The following TAB2 variants were observed in gnomAD, a reference collection of about 807,000 sequenced individuals.
The protein encoded by TAB2 is TGF-beta-activated kinase 1 and MAP3K7-binding protein 2.
A neutral mutation model predicts 65.0 loss-of-function variants in TAB2; 3 were observed. The ratio of observed to expected loss-of-function variants is 0.05; its 90% CI spans 0.02 to 0.12. TAB2 has a LOEUF of 0.12. TAB2 is among the 10% of genes least tolerant of loss of function. TAB2 has a pLI of 1.00. For synonymous variants in TAB2, 298 were observed against 285.1 expected (o/e 1.05, Z -0.46); for missense variants, 623 against 840.3 (o/e 0.74, Z 3.20).
At chr6:149,362,872 C>T (rs1379800612) in intron 1 of TAB2, among the ~76,000 whole-genome samples, 1 of 152,088 alleles carries the variant, frequency 6.6e-6, no homozygotes, top group Non-Finnish European at 1.5e-5. Context: ...AACTTAAGTA[C>T]AATAGTAATG....
Position 149,397,597 on chromosome 6 carries a change from G to T in TAB2, c.1604-7G>T. 2 of 1,613,950 alleles carry T rather than the reference G, an allele frequency of 1.2e-6. No individual in the cohort carries two copies. The highest frequency in any genetic ancestry group is 2.2e-5 in the South Asian group (2 of 91,046). Reference sequence around the variant, plus strand: ...TGGGTCCTCATGTTTACTAATGTGTGTTGCAGCTCTTTTGGTACACCAGAA... The same window carrying T: ...TGGGTCCTCATGTTTACTAATGTGTTTTGCAGCTCTTTTGGTACACCAGAA... On this transcript the variant is annotated splice_polypyrimidine_tract_variant and splice_region_variant and intron_variant, in intron 3 of 6. Transcript: ENST00000637181.
At chr6:149,329,244 G>A (rs1171020275) in intron 1 of TAB2, among the ~76,000 whole-genome samples, 1 of 152,326 alleles carries the variant, frequency 6.6e-6, no homozygotes, top group East Asian at 1.9e-4. Flanking sequence ...GGAGGAAGAG[G>A]CAGGCATATA....
At chr6:149,345,899 T>G (rs143502467) in intron 1 of TAB2, among the ~76,000 whole-genome samples, 1 of 152,268 alleles carries the variant, frequency 6.6e-6, no homozygotes, top group East Asian at 1.9e-4. Context: ...ATATAATTAT[T>G]TGGACATCAT....
chr6:149,318,956 C>T lies in TAB2; in HGVS notation c.-90+941C>T, dbSNP rs118170796. The stretch of plus-strand genomic sequence containing the variant: ...AATTTGCAGCCTCACAGGGGTTTCT[C>T]CGTAGTTCACGAAATTTAGGCCCCC... On this transcript the variant is annotated intron_variant, in intron 1 of 6. Coordinates refer to ENST00000637181, the MANE Select transcript of TAB2 (RefSeq NM_001292034.3). Among the ~76,000 whole-genome samples the T allele has an allele frequency of 3.7e-3, 570 of 152,262 alleles. 1 individual carries two copies. Among genetic ancestry groups the T allele is most frequent in the Non-Finnish European group, 4.6e-3 (310 of 68,028 alleles).
At chr6:149,258,919 T>A (rs6919631) in intron 1 of TAB2, among the ~76,000 whole-genome samples, 2 of 152,096 alleles carry the variant, frequency 1.3e-5, no homozygotes, top group African/African-American at 4.8e-5. Flanking sequence ...GTCAGAGTTA[T>A]GGGATGTGAA....
At chr6:149,263,801 G>A (rs114814599) in intron 1 of TAB2, among the ~76,000 whole-genome samples, 41 of 152,340 alleles carry the variant, frequency 2.7e-4, no homozygotes, top group African/African-American at 9.4e-4. Flanking sequence ...TTGGCGCCCA[G>A]GAGGTCTCCC....
chr6:149,254,493 A>G (rs1298421751), intron 1 of TAB2, among the ~76,000 whole-genome samples: 1 of 152,142 alleles, frequency 6.6e-6, no homozygotes, highest in African/African-American at 2.4e-5. Context: ...CATTATTCCA[A>G]CTTTAACAGG....
intron 1 of TAB2, among the ~76,000 whole-genome samples, chr6:149,287,492 T>TAAA (rs765114694): frequency 1.0e-5 from 1 of 97,912 alleles, no homozygotes; most frequent in Non-Finnish European, 2.2e-5. Context: ...GTTTTTTTTT[T>TAAA]TAAAAAGAAA....
intron 1 of TAB2, among the ~76,000 whole-genome samples, chr6:149,330,959 C>G (rs999545994): frequency 6.6e-6 from 1 of 152,170 alleles, no homozygotes; most frequent in Non-Finnish European, 1.5e-5. Flanking sequence ...TCTGGATTCT[C>G]TGTTCTGTTC....
intron 1 of TAB2, among the ~76,000 whole-genome samples, chr6:149,242,331 C>G (rs1777615105): frequency 6.6e-6 from 1 of 152,160 alleles, no homozygotes; most frequent in East Asian, 1.9e-4. Flanking sequence ...CTCAAATAAT[C>G]ACCCAGGGTT....
At chr6:149,249,472 TTCTC>T (rs1010958001) in intron 1 of TAB2, among the ~76,000 whole-genome samples, 6 of 149,864 alleles carry the variant, frequency 4.0e-5, no homozygotes, top group African/African-American at 7.4e-5. Context: ...ATCTCTGTCT[TTCTC>T]TCTGTCTCTC....
chr6:149,266,934 A>AT (rs1458202802), intron 1 of TAB2, among the ~76,000 whole-genome samples: 4 of 152,250 alleles, frequency 2.6e-5, no homozygotes, highest in African/African-American at 9.6e-5. Flanking sequence ...TCATGAATGT[A>AT]ACAACAGCAG....
chr6:149,369,808 A>C (rs1469408852), intron 1 of TAB2, 101 bp from the exon 2 acceptor site: 2 of 613,662 alleles, frequency 3.3e-6, no homozygotes, highest in Non-Finnish European at 5.7e-6. Flanking sequence ...TTATAATGTT[A>C]AGTGCTAAAG....
At chr6:149,405,216 C>T (rs1782622785) in intron 6 of TAB2, among the ~76,000 whole-genome samples, 1 of 152,106 alleles carries the variant, frequency 6.6e-6, no homozygotes, top group South Asian at 2.1e-4. Flanking sequence ...CAGTGAGATA[C>T]CACCTTACAA....
intron 1 of TAB2, among the ~76,000 whole-genome samples, chr6:149,346,961 A>G (rs558945360): frequency 5.3e-5 from 8 of 152,254 alleles, no homozygotes; most frequent in African/African-American, 1.9e-4. Flanking sequence ...ACTTATTATC[A>G]TACTTAGCTC....
rs1158117832 is a variant in TAB2 at position 149,399,171 on chromosome 6, A to C, written c.1926A>C (p.Pro642=). The change falls in exon 6 of 7, where the codon CCA becomes CCC. Residue 642 remains proline (P), a synonymous_variant. Transcript: ENST00000637181. ...ATATTGGATTTGTAGGTCCTGTGCCACCAAAACCCAAAGGTTAGTGTATCC... is the reference window on the plus strand; with the variant it reads ...ATATTGGATTTGTAGGTCCTGTGCCCCCAAAACCCAAAGGTTAGTGTATCC... The part of the protein sequence containing the change: ...YDNIGFVGPV[P]PKPKDQRSII... 6.2e-7 allele frequency: 1 copy of C among 1,613,464 alleles called. No homozygotes were observed.
chr6:149,383,210 C>T (rs1583145417), intron 3 of TAB2, among the ~76,000 whole-genome samples: 1 of 151,710 alleles, frequency 6.6e-6, no homozygotes, highest in Non-Finnish European at 1.5e-5. Flanking sequence ...TAAAGTAACA[C>T]CCTGGATAGA....
intron 1 of TAB2, among the ~76,000 whole-genome samples, chr6:149,243,048 G>A (rs1390189240): frequency 6.6e-6 from 1 of 152,170 alleles, no homozygotes; most frequent in South Asian, 2.1e-4. Context: ...AGAAGGAATC[G>A]GCTATGCCTG....
At chr6:149,326,451 T>C (rs749321661) in intron 1 of TAB2, among the ~76,000 whole-genome samples, 21 of 152,070 alleles carry the variant, frequency 1.4e-4, no homozygotes, top group Non-Finnish European at 2.4e-4. Flanking sequence ...GAAGCACAAA[T>C]AGGAGATTGA....
Sources: gnomAD v4.1 joint callset for allele counts (sites outside exome capture counted in the v4.1 genomes callset) on GRCh38, gnomAD v4.1.1 for gene constraint, MANE v1.5 for transcripts, NCBI Gene and HGNC (gene_info 2026-07-23, HGNC 2026-07-21) for gene names.